The following SPTB variants were observed in gnomAD, a reference collection of about 807,000 sequenced individuals.
SPTB encodes the protein spectrin beta, erythrocytic.
In SPTB, 45 loss-of-function variants were observed where a neutral mutation model predicts 256.2. The ratio of observed to expected loss-of-function variants is 0.18; its 90% CI spans 0.14 to 0.23. SPTB has a LOEUF of 0.23. Ranked by LOEUF, SPTB falls within the 10% of genes least tolerant of loss-of-function variation. The pLI, the probability that SPTB is intolerant of heterozygous loss-of-function variation, is 1.00. For synonymous variants in SPTB, 1,231 were observed against 1,243.1 expected (o/e 0.99, Z 0.21); for missense variants, 2,715 against 3,040.4 (o/e 0.89, Z 2.52).
intron 27 of SPTB, 55 bp downstream of exon 27, chr14:64,770,830 C>G (rs542469196): frequency 6.2e-7 from 1 of 1,612,710 alleles, no homozygotes. Flanking sequence ...CCTGGTTGGC[C>G]GGGCTCCTCT....
At position 64,753,631 on chromosome 14, in the gene SPTB, GC is replaced by G. The variant is rs760607339; in HGVS notation, c.6507del (p.Pro2170ArgfsTer46). ...PLSEGDEPAT[L>X]PAPRDHGQSV... ...CTCTGCCCATGGTCCCGCGGGGCCG[GC>G]AGCGTTGCGGGCTCATCACCCTCGC... On this transcript the variant is annotated frameshift_variant, in exon 33 of 36. Transcript: ENST00000644917. LOFTEE classifies it high-confidence loss of function. 5.6e-6 allele frequency: 9 copies of G among 1,613,554 alleles called. No homozygotes were observed. The highest frequency in any genetic ancestry group is 7.6e-6 in the Non-Finnish European group (9 of 1,180,034).
At chr14:64,829,003 G>A (rs1157743502) in intron 1 of SPTB, among the ~76,000 whole-genome samples, 1 of 152,172 alleles carries the variant, frequency 6.6e-6, no homozygotes, top group Non-Finnish European at 1.5e-5. Flanking sequence ...GTTGATGGGT[G>A]AACTTTACAA....
In SPTB at chr14:64,753,625, G is replaced by A. The variant is rs780017738; in HGVS notation, c.6514C>T (p.Pro2172Ser). The change falls in exon 33 of 36, where the codon CCG becomes TCG. Residue 2172 changes from proline to serine, a missense_variant. Physicochemically the swap from Pro to Ser is moderately conservative, Grantham distance 74. Coordinates refer to ENST00000644917, the MANE Select transcript of SPTB (RefSeq NM_001355436.2). Reference protein sequence around the residue: ...EGDEPATLPAPRDHGQSVQME... With the variant: ...EGDEPATLPASRDHGQSVQME... The stretch of plus-strand genomic sequence containing the variant: ...TGCACACTCTGCCCATGGTCCCGCG[G>A]GGCCGGCAGCGTTGCGGGCTCATCA... 1.2e-5 allele frequency: 20 copies of A among 1,613,650 alleles called. No homozygotes were observed. The highest frequency in any genetic ancestry group is 1.7e-5 in the Non-Finnish European group (20 of 1,180,018).
chr14:64,769,362 G>A (rs577963347), intron 28 of SPTB, among the ~76,000 whole-genome samples: 72 of 152,328 alleles, frequency 4.7e-4, no homozygotes, highest in Non-Finnish European at 8.2e-4. Flanking sequence ...GTGTTAGGCC[G>A]GTTATGAGGC....
intron 1 of SPTB, among the ~76,000 whole-genome samples, chr14:64,854,187 G>T (rs757133040): frequency 1.3e-5 from 2 of 148,270 alleles, no homozygotes; most frequent in East Asian, 2.0e-4. Flanking sequence ...GTGAGACTCC[G>T]CCTCAAAACA....
chr14:64,878,158 A>G (rs1882917770), intron 1 of SPTB, among the ~76,000 whole-genome samples: 1 of 152,190 alleles, frequency 6.6e-6, no homozygotes, highest in South Asian at 2.1e-4. Context: ...AAGGGGTCTG[A>G]AAGCCACATT....
chr14:64,759,095 C>A lies in SPTB; in HGVS notation c.6346-5302G>T, dbSNP rs1197895122. Among the ~76,000 whole-genome samples the A allele has an allele frequency of 6.6e-6, 1 of 152,088 alleles. No individual in the cohort carries two copies. The highest frequency in any genetic ancestry group is 2.4e-5 in the African/African-American group (1 of 41,390). On this transcript the variant is annotated intron_variant, in intron 32 of 35. Transcript: ENST00000644917. This position sits in a 1 kb window ranked among gnomAD's most constrained non-coding sequence, Gnocchi z 4.8. The stretch of plus-strand genomic sequence containing the variant: ...TATCTCAGATGAGAAAACTGGGTTC[C>A]GGAAAAGCTCAGTGACGGGCTGAGA...
chr14:64,763,069 TG>T, intron 32 of SPTB, among the ~76,000 whole-genome samples: 1 of 152,330 alleles, frequency 6.6e-6, no homozygotes, highest in African/African-American at 2.4e-5. Flanking sequence ...ACCTTTAGCC[TG>T]GGGGGACTTG....
At chr14:64,819,864 T>C (rs2083258783) in intron 2 of SPTB, among the ~76,000 whole-genome samples, 1 of 152,226 alleles carries the variant, frequency 6.6e-6, no homozygotes, top group Admixed American at 6.5e-5. Context: ...TCACCTAGCA[T>C]TTTATTATAA....
chr14:64,849,494 C>T (rs186446319), intron 1 of SPTB, among the ~76,000 whole-genome samples: 44 of 152,276 alleles, frequency 2.9e-4, no homozygotes, highest in African/African-American at 1.0e-3. Flanking sequence ...GATATTCTGG[C>T]CCTGTTTTAC....
chr14:64,779,861 C>G lies in SPTB; in HGVS notation c.4337G>C (p.Gly1446Ala). Residue 1446 changes from glycine to alanine, a missense_variant, in exon 21 of 36, where the codon GGA (glycine) becomes GCA (alanine). Coordinates refer to ENST00000644917, the MANE Select transcript of SPTB (RefSeq NM_001355436.2). This position sits in a 1 kb window ranked among gnomAD's most constrained non-coding sequence, Gnocchi z 4.2. ...CAAGTCTGCATCTCCTCCCTCCTCT[C>G]CCATTGAAGGCACCTGGGCAAACAG... ...GELFAQVPSMGEEGGDADLSI... is the reference protein window; with the variant it reads ...GELFAQVPSMAEEGGDADLSI... 2 of 1,614,156 alleles carry G rather than the reference C, an allele frequency of 1.2e-6. No individual in the cohort carries two copies. Among genetic ancestry groups the G allele is most frequent in the Non-Finnish European group, 1.7e-6 (2 of 1,180,008 alleles).
intron 1 of SPTB, among the ~76,000 whole-genome samples, chr14:64,828,769 T>C (rs1217305587): frequency 1.3e-5 from 2 of 152,206 alleles, no homozygotes; most frequent in African/African-American, 4.8e-5. Flanking sequence ...GGATGCCCAA[T>C]TTCCCTTATT....
In SPTB at chr14:64,845,529, A is replaced by G. The variant is rs1483335356; in HGVS notation, c.-51-22384T>C. On this transcript the variant is annotated intron_variant, in intron 1 of 35. Transcript: ENST00000644917. This position sits in a 1 kb window ranked among gnomAD's most constrained non-coding sequence, Gnocchi z 4.8. ...ATATGAGTGATGAATTCATCCCACA[A>G]ATATCTTCTGAGCACTGCGTTGAAC... Among the ~76,000 whole-genome samples, 1 of 152,212 alleles carries G rather than the reference A, an allele frequency of 6.6e-6. No homozygotes were observed. Among genetic ancestry groups the G allele is most frequent in the African/African-American group, 2.4e-5 (1 of 41,460 alleles).
chr14:64,773,994 G>A (rs1020762857), intron 24 of SPTB, among the ~76,000 whole-genome samples: 1 of 152,212 alleles, frequency 6.6e-6, no homozygotes, highest in African/African-American at 2.4e-5. Flanking sequence ...TGTGGGCACA[G>A]GTTTCCACCT....
chr14:64,813,569 C>A (rs1419032714), intron 2 of SPTB, among the ~76,000 whole-genome samples: 4 of 152,122 alleles, frequency 2.6e-5, no homozygotes, highest in East Asian at 1.9e-4. Flanking sequence ...TCGCCCAGAC[C>A]GGAGTGCAGT....
chr14:64,832,662 C>A lies in SPTB; in HGVS notation c.-51-9517G>T, dbSNP rs118054388. On this transcript the variant is annotated intron_variant, in intron 1 of 35. Coordinates refer to ENST00000644917, the MANE Select transcript of SPTB (RefSeq NM_001355436.2). ...TGTTCACCCTAACCCCCAGTGGAAT[C>A]TATCCTCATCCTTTTCCCATTTTTC... is the stretch of plus-strand genomic sequence containing the variant. Among the ~76,000 whole-genome samples the A allele has an allele frequency of 4.4e-3, 670 of 152,308 alleles. 15 individuals are homozygous for A. The highest frequency in any genetic ancestry group is 0.023 in the East Asian group (120 of 5,190).
rs532746560 is a variant in SPTB at position 64,836,492 on chromosome 14, G to A, written c.-51-13347C>T. The stretch of plus-strand genomic sequence containing the variant: ...CTGAGTTTGTGGGTCTGCTCAATAC[G>A]CTGTCAAGGCAAAACAAAAAAAAGG... On this transcript the variant is annotated intron_variant, in intron 1 of 35. Coordinates refer to ENST00000644917, the MANE Select transcript of SPTB (RefSeq NM_001355436.2). Among the ~76,000 whole-genome samples the A allele has an allele frequency of 3.9e-5, 6 of 151,924 alleles. No homozygotes were observed. In the South Asian group the frequency reaches 1.0e-3, roughly 26 times the overall value.
chr14:64,774,435 G>A lies in SPTB; in HGVS notation c.4935C>T (p.Ser1645=), dbSNP rs1348113246. ...CTGCAGACAGCAGGCCCTGGGCCCG[G>A]CTGGCCAGCTGCTTGATGTTCCGGC... The part of the protein sequence containing the change: ...DYGRNIKQLA[S]RAQGLLSAGH... The change falls in exon 24 of 36, where the codon AGC becomes AGT. Residue 1645 remains serine (S), a synonymous_variant. Coordinates refer to ENST00000644917, the MANE Select transcript of SPTB (RefSeq NM_001355436.2). The A allele has an allele frequency of 1.9e-6, 3 of 1,574,176 alleles. No homozygotes were observed. The highest frequency in any genetic ancestry group is 2.6e-6 in the Non-Finnish European group (3 of 1,159,840).
At chr14:64,877,680 T>C (rs1882890891) in intron 1 of SPTB, among the ~76,000 whole-genome samples, 1 of 152,206 alleles carries the variant, frequency 6.6e-6, no homozygotes. Context: ...TACAACAACA[T>C]AAAAGACAGA....
Sources: gnomAD v4.1 joint callset for allele counts (sites outside exome capture counted in the v4.1 genomes callset) on GRCh38, gnomAD v4.1.1 for gene constraint, Gnocchi (gnomAD v3.1) non-coding constraint, MANE v1.5 for transcripts, NCBI Gene and HGNC (gene_info 2026-07-23, HGNC 2026-07-21) for gene names.